COP1: variants seen among roughly 807,000 people sequenced by gnomAD.
COP1 encodes the protein COP1 E3 ubiquitin ligase.
A neutral mutation model predicts 101.3 loss-of-function variants in COP1; 24 were observed. The observed-to-expected ratio is 0.24, with a 90% CI of 0.17 to 0.33. COP1 has a LOEUF of 0.33. Among genes scored for constraint, COP1 ranks in the 10% least tolerant of loss-of-function variants. The pLI, the probability that COP1 is intolerant of heterozygous loss-of-function variation, is 1.00. For missense variants in COP1, 663 were observed against 906.2 expected, an observed-to-expected ratio of 0.73 and a Z score of 3.45; for synonymous variants, 347 against 341.9, an observed-to-expected ratio of 1.01 and a Z score of -0.17.
intron 5 of COP1, among the ~76,000 whole-genome samples, chr1:176,161,408 A>G (rs1351096806): frequency 1.3e-5 from 2 of 152,080 alleles, no homozygotes; most frequent in African/African-American, 4.8e-5. Flanking sequence ...AGGCCAATAT[A>G]GTGAGACCTG....
chr1:176,010,230 G>A (rs1664405140), intron 15 of COP1, among the ~76,000 whole-genome samples: 2 of 152,030 alleles, frequency 1.3e-5, no homozygotes, highest in African/African-American at 4.8e-5. Context: ...CAGGATATTT[G>A]ACTTTTAAAA....
intron 5 of COP1, among the ~76,000 whole-genome samples, chr1:176,151,553 GT>G (rs1572546739): frequency 6.6e-6 from 1 of 152,116 alleles, no homozygotes; most frequent in African/African-American, 2.4e-5. Context: ...TATGCTTCGA[GT>G]TTTTATAGAA....
At chr1:176,163,685 G>C in intron 4 of COP1, 130 bp downstream of exon 4, 1 of 576,878 alleles carries the variant, frequency 1.7e-6, no homozygotes, top group Non-Finnish European at 3.1e-6. Flanking sequence ...TATTTGACTA[G>C]AACAATCCTA....
chr1:176,139,065 C>T (rs566627734), intron 6 of COP1, among the ~76,000 whole-genome samples: 2 of 151,604 alleles, frequency 1.3e-5, no homozygotes, highest in South Asian at 2.1e-4. Context: ...CTACAAGGAA[C>T]GTAAATAAAT....
intron 13 of COP1, 39 bp downstream of exon 13, chr1:176,043,671 G>A (rs4233165): frequency 0.98 from 1,127,338 of 1,153,866 alleles, 551,775 homozygotes; most frequent in East Asian, 1. Context: ...CAAACCAAAT[G>A]TATGATTCAT....
rs573278304 is a variant in COP1 at position 175,981,760 on chromosome 1, G to A, written c.2133+5183C>T. ...TTTGCAAACTATTTATCAGTTAGGG[G>A]GTTATAAGGAACTCCAACACCTAAA... On this transcript the variant is annotated intron_variant, in intron 18 of 19. Coordinates refer to ENST00000367669, the MANE Select transcript of COP1 (RefSeq NM_022457.7). Among the ~76,000 whole-genome samples, 7 of 151,930 alleles carry A rather than the reference G, an allele frequency of 4.6e-5. No homozygotes were observed. The East Asian group carries it at 9.7e-4, about 21-fold the overall frequency.
intron 8 of COP1, among the ~76,000 whole-genome samples, chr1:176,126,396 A>C (rs1392296367): frequency 6.6e-6 from 1 of 152,166 alleles, no homozygotes; most frequent in Non-Finnish European, 1.5e-5. Context: ...TTCCTTCTAT[A>C]ACCAGTTCAT....
intron 6 of COP1, among the ~76,000 whole-genome samples, chr1:176,147,739 G>T (rs1691781087): frequency 6.6e-6 from 1 of 152,178 alleles, no homozygotes; most frequent in Admixed American, 6.5e-5. Context: ...ATCACAGATG[G>T]TGTTGTGGGA....
intron 18 of COP1, among the ~76,000 whole-genome samples, chr1:175,982,592 T>A (rs890354887): frequency 4.6e-5 from 7 of 152,218 alleles, no homozygotes; most frequent in African/African-American, 1.7e-4. Context: ...AGATTTTCAG[T>A]CAACAGTAGG....
intron 1 of COP1, among the ~76,000 whole-genome samples, chr1:176,185,640 T>C (rs1300995035): frequency 1.3e-5 from 2 of 152,222 alleles, no homozygotes; most frequent in Non-Finnish European, 2.9e-5. Flanking sequence ...AAAATTCTGA[T>C]GCAGTGTTCA....
chr1:176,144,693 A>G (rs1691289187), intron 6 of COP1, among the ~76,000 whole-genome samples: 1 of 152,166 alleles, frequency 6.6e-6, no homozygotes, highest in Non-Finnish European at 1.5e-5. Context: ...AGACCAGTGA[A>G]GCAGAAAAGA....
At chr1:176,012,513 T>C (rs925470980) in intron 15 of COP1, among the ~76,000 whole-genome samples, 1 of 152,218 alleles carries the variant, frequency 6.6e-6, no homozygotes, top group Non-Finnish European at 1.5e-5. Flanking sequence ...GGTTAATTTA[T>C]TACTAAACAA....
At chr1:176,037,435 A>T (rs911637813) in intron 14 of COP1, among the ~76,000 whole-genome samples, 1 of 151,720 alleles carries the variant, frequency 6.6e-6, no homozygotes, top group African/African-American at 2.4e-5. Context: ...AAAAAAAAAA[A>T]CACATAGCAC....
intron 1 of COP1, among the ~76,000 whole-genome samples, chr1:176,188,910 A>G (rs1173205574): frequency 6.6e-6 from 1 of 152,102 alleles, no homozygotes; most frequent in Non-Finnish European, 1.5e-5. Context: ...ATGTTCTAAC[A>G]TACATGTAAT....
intron 18 of COP1, among the ~76,000 whole-genome samples, chr1:175,972,116 T>TAACAAC (rs560198084): frequency 3.3e-5 from 5 of 151,900 alleles, no homozygotes; most frequent in African/African-American, 4.8e-5. Flanking sequence ...ATGTAACCCA[T>TAACAAC]AACAACAACA....
chr1:176,000,316 C>T (rs189651640), intron 15 of COP1, among the ~76,000 whole-genome samples: 35 of 152,086 alleles, frequency 2.3e-4, no homozygotes, highest in Admixed American at 1.6e-3. Flanking sequence ...CTTCTGCAAA[C>T]GGATATCCAG....
chr1:176,202,605 T>C (rs1056632053), intron 1 of COP1, among the ~76,000 whole-genome samples: 5 of 151,292 alleles, frequency 3.3e-5, no homozygotes, highest in Middle Eastern at 3.4e-3. Context: ...GGCTAAGACA[T>C]GAAGATTGCT....
chr1:176,195,886 T>G (rs1392633705), intron 1 of COP1, among the ~76,000 whole-genome samples: 2 of 152,072 alleles, frequency 1.3e-5, no homozygotes, highest in Non-Finnish European at 2.9e-5. Flanking sequence ...GATTCCAAAA[T>G]CGGGGACGGA....
At chr1:176,196,708 T>C (rs1028618603) in intron 1 of COP1, among the ~76,000 whole-genome samples, 4 of 152,042 alleles carry the variant, frequency 2.6e-5, no homozygotes, top group African/African-American at 9.7e-5. Context: ...ACAAACTCTT[T>C]CAGAAAATAG....
Sources: allele counts gnomAD v4.1 joint callset (sites outside exome capture counted in the v4.1 genomes callset), GRCh38; gene constraint gnomAD v4.1.1; transcripts MANE v1.5; gene names NCBI Gene and HGNC (gene_info 2026-07-23, HGNC 2026-07-21).